AMZ1: variants seen among roughly 807,000 people sequenced by gnomAD.
The protein encoded by AMZ1 is archaelysin family metallopeptidase 1, also known as archaemetzincin-1.
A neutral mutation model predicts 29.9 loss-of-function variants in AMZ1; 39 were observed. That is an observed-to-expected ratio of 1.30 (90% CI 1.01 to 1.70). AMZ1 has a LOEUF of 1.70. Ranked by LOEUF, AMZ1 falls within the 40% of genes most tolerant of loss-of-function variation. The pLI is 0.00. For synonymous variants in AMZ1, 458 were observed against 304.0 expected (o/e 1.51, Z -5.27); for missense variants, 1,041 against 680.6 (o/e 1.53, Z -5.89).
rs376561004 is a variant in AMZ1, at chr7:2,696,448, G to A, written c.-218-3786G>A. On this transcript the variant is annotated intron_variant, in intron 1 of 6. Transcript: ENST00000683327. ...ATTTTTTTGTATTTTTAGTAGAGACGGGGTTTCACCATGTTAGCCAGGATG... is the reference window on the plus strand; with the variant it reads ...ATTTTTTTGTATTTTTAGTAGAGACAGGGTTTCACCATGTTAGCCAGGATG... Among the ~76,000 whole-genome samples, 428 of 150,736 alleles carry A rather than the reference G, an allele frequency of 2.8e-3. 6 individuals are homozygous for A. Among genetic ancestry groups the A allele is most frequent in the East Asian group, 0.025 (122 of 4,974 alleles).
chr7:2,737,018 G>A (rs1790216390), intron 4 of AMZ1, among the ~76,000 whole-genome samples: 1 of 152,182 alleles, frequency 6.6e-6, no homozygotes, highest in Non-Finnish European at 1.5e-5. Flanking sequence ...CCACATGCTT[G>A]GTTCAGTTCC....
chr7:2,708,954 C>T (rs1361528558), intron 4 of AMZ1, 121 bp from the exon 5 acceptor site: 1 of 1,345,404 alleles, frequency 7.4e-7, no homozygotes, highest in African/African-American at 1.5e-5. Flanking sequence ...CAGGGCCTCC[C>T]AGGACTGGTA....
At position 2,712,561 on chromosome 7, in the gene AMZ1, C is replaced by T; in HGVS notation, c.1180C>T (p.Pro394Ser). The T allele has an allele frequency of 1.2e-6, 2 of 1,610,506 alleles. No homozygotes were observed. The highest frequency in any genetic ancestry group is 1.7e-6 in the Non-Finnish European group (2 of 1,178,626). ...GAGCTACCTGGCAGCCTCAGAGGCTCCGCTGCCACCTGGGGGCCCTGCGGA... is the reference window on the plus strand; with the variant it reads ...GAGCTACCTGGCAGCCTCAGAGGCTTCGCTGCCACCTGGGGGCCCTGCGGA... ...GLSYLAASEA[P>S]LPPGGPAEAI... is the part of the protein sequence containing the mutation. Residue 394 changes from proline to serine, a missense_variant, in exon 7 of 7, where the codon CCG becomes TCG. Coordinates refer to ENST00000683327, the MANE Select transcript of AMZ1 (RefSeq NM_001384743.1).
intron 4 of AMZ1, among the ~76,000 whole-genome samples, chr7:2,725,519 G>C (rs1208898530): frequency 6.6e-6 from 1 of 152,246 alleles, no homozygotes; most frequent in Non-Finnish European, 1.5e-5. Flanking sequence ...GTTCTGGAGG[G>C]AGAGATGGAG....
chr7:2,694,680 ATTT>A (rs933136949), intron 1 of AMZ1, among the ~76,000 whole-genome samples: 2 of 121,648 alleles, frequency 1.6e-5, no homozygotes, highest in Non-Finnish European at 3.9e-5. Flanking sequence ...TATTTTATTT[ATTT>A]TTTTTTTGAG....
chr7:2,765,132 A>T (rs1583260446), intron 1 of AMZ1: 1 of 152,094 alleles, frequency 6.6e-6, no homozygotes, highest in Admixed American at 6.5e-5. Context: ...CTAAGGGAAA[A>T]AAAGAATCAC....
chr7:2,720,116 C>T (rs997021358), downstream of AMZ1, among the ~76,000 whole-genome samples: 9 of 152,222 alleles, frequency 5.9e-5, no homozygotes, highest in Non-Finnish European at 1.0e-4. Flanking sequence ...GGGAACCTAC[C>T]GACAGGGCTG....
Position 2,709,748 on chromosome 7 carries a change from G to C in AMZ1, c.880G>C (p.Asp294His). The change falls in exon 6 of 7, where the codon GAC becomes CAC. Residue 294 changes from aspartate (D) to histidine (H), a missense_variant. Asp to His is a moderately conservative substitution (Grantham distance 81). Transcript: ENST00000683327. ...GGACGAGGCCCTGCGGCGGCCCCTG[G>C]ACCTCTGTCCCATCTGCCTGAGGAA... ...SLDEALRRPL[D>H]LCPICLRKLQ... is the part of the protein sequence containing the mutation. 2 of 1,611,648 alleles carry C rather than the reference G, an allele frequency of 1.2e-6. No homozygotes were observed. The highest frequency in any genetic ancestry group is 8.5e-7 in the Non-Finnish European group (1 of 1,179,872).
chr7:2,682,468 G>A (rs73281152), intron 1 of AMZ1, among the ~76,000 whole-genome samples: 35,078 of 152,218 alleles, frequency 0.23, 4,167 homozygotes, highest in East Asian at 0.29. Flanking sequence ...GCTCCAGGGA[G>A]GCCTGGGGAA....
chr7:2,684,872 CTTT>C (rs60735391), upstream of AMZ1, among the ~76,000 whole-genome samples: 164 of 132,616 alleles, frequency 1.2e-3, no homozygotes, highest in African/African-American at 4.2e-3. Flanking sequence ...CACATAATTG[CTTT>C]TTTTTTTTTT....
rs148765363 is a variant in AMZ1 at position 2,707,984 on chromosome 7, C to T, written c.473-604C>T. ...GATTACAGGCACGCACCACCAGGCC[C>T]GGCTCATTTTGTATTTTTAGTAGAG... On this transcript the variant is annotated intron_variant, in intron 3 of 6. Transcript: ENST00000683327. Among the ~76,000 whole-genome samples the T allele has an allele frequency of 1.8e-4, 28 of 151,930 alleles. No homozygotes were observed. In the East Asian group the frequency reaches 2.1e-3, roughly 12 times the overall value.
upstream of AMZ1, chr7:2,762,642 A>G (rs758048135): frequency 6.3e-7 from 1 of 1,595,676 alleles, no homozygotes; most frequent in Non-Finnish European, 8.5e-7. Flanking sequence ...CATGAAGCAC[A>G]GAGCGGCAGG....
rs999060606 is a variant in AMZ1, at chr7:2,716,687, A to G, written c.*3809A>G. ...CCAGGCAGGGACGGCCAGGCCTCGG[A>G]GAGAGGGACCGGCTGCCCTGCCCAA... On this transcript the variant is annotated 3_prime_UTR_variant, in exon 7 of 7. Transcript: ENST00000683327. Among the ~76,000 whole-genome samples, 5 of 152,210 alleles carry G rather than the reference A, an allele frequency of 3.3e-5. No individual in the cohort carries two copies. Among genetic ancestry groups the G allele is most frequent in the Non-Finnish European group, 5.9e-5 (4 of 68,030 alleles).
rs1425310143 is a variant in AMZ1 at position 2,713,931 on chromosome 7, G to C, written c.*1053G>C. ...TGTCTTTCCTTTTTTTTTCGGTCTAGTTCTGTCAGTTGCTGAGAGAGGGGT... is the reference window on the plus strand; with the variant it reads ...TGTCTTTCCTTTTTTTTTCGGTCTACTTCTGTCAGTTGCTGAGAGAGGGGT... On this transcript the variant is annotated 3_prime_UTR_variant, in exon 7 of 7. Transcript: ENST00000683327. The C allele has an allele frequency of 6.6e-6, 1 of 152,024 alleles. No homozygotes were observed. The highest frequency in any genetic ancestry group is 1.5e-5 in the Non-Finnish European group (1 of 68,004). 9.4% of individuals were successfully genotyped at this position (152,024 alleles called of 1,614,324 possible). A position where few individuals can be genotyped will look rare whatever the true frequency, so the allele number is the denominator to read the frequency against.
chr7:2,711,110 T>G (rs370057449), intron 6 of AMZ1, among the ~76,000 whole-genome samples: 2 of 152,200 alleles, frequency 1.3e-5, no homozygotes, highest in African/African-American at 4.8e-5. Context: ...TAGCTCCTCC[T>G]CCTGCCCAGA....
chr7:2,705,052 T>G (rs1788273891), intron 3 of AMZ1, among the ~76,000 whole-genome samples: 1 of 152,276 alleles, frequency 6.6e-6, no homozygotes. Flanking sequence ...TTTGTCTCAG[T>G]TATCCTGCTT....
rs189050844 is a variant in AMZ1 at position 2,697,901 on chromosome 7, C to T, written c.-218-2333C>T. 1.8e-3 allele frequency among the ~76,000 whole-genome samples: 270 copies of T among 152,076 alleles called. 2 individuals are homozygous for T. Among genetic ancestry groups the T allele is most frequent in the African/African-American group, 6.1e-3 (251 of 41,480 alleles). On this transcript the variant is annotated intron_variant, in intron 1 of 6. Coordinates refer to ENST00000683327, the MANE Select transcript of AMZ1 (RefSeq NM_001384743.1). ...TCTCAGTGGAAATTCAGTACCAGCC[C>T]CTCCCCTACTCTAAGCCAGTACGTT...
chr7:2,711,596 T>A (rs1428689095), intron 6 of AMZ1, among the ~76,000 whole-genome samples: 1 of 152,128 alleles, frequency 6.6e-6, no homozygotes, highest in Non-Finnish European at 1.5e-5. Flanking sequence ...TTGCTTTACA[T>A]TTTTTTCCCC....
intron 2 of AMZ1, among the ~76,000 whole-genome samples, chr7:2,701,349 G>A (rs758934860): frequency 1.3e-5 from 2 of 152,222 alleles, no homozygotes; most frequent in Non-Finnish European, 2.9e-5. Context: ...GCTGGTCACT[G>A]GTAGGGACGG....
Sources: allele counts gnomAD v4.1 joint callset (sites outside exome capture counted in the v4.1 genomes callset), GRCh38; gene constraint gnomAD v4.1.1; transcripts MANE v1.5; gene names NCBI Gene and HGNC (gene_info 2026-07-23, HGNC 2026-07-21).